Variants in RBFOX1 observed in about 807,000 individuals in gnomAD.
RBFOX1 encodes RNA binding fox-1 homolog 1.
In RBFOX1, 8 loss-of-function variants were observed where a neutral mutation model predicts 57.7. The observed-to-expected ratio is 0.14, with a 90% CI of 0.08 to 0.25. RBFOX1 has a LOEUF of 0.25. Among genes scored for constraint, RBFOX1 ranks in the 10% least tolerant of loss-of-function variants. The pLI is 1.00. For missense variants in RBFOX1, 611 were observed against 548.5 expected, an observed-to-expected ratio of 1.11 and a Z score of -1.14; for synonymous variants, 326 against 222.4, an observed-to-expected ratio of 1.47 and a Z score of -4.15.
chr16:7,701,016 C>G (rs1006240261), intron 14 of RBFOX1, among the ~76,000 whole-genome samples: 1 of 152,100 alleles, frequency 6.6e-6, no homozygotes, highest in Non-Finnish European at 1.5e-5. Context: ...TCTGTGGCTT[C>G]TCATGTAGGG....
intron 14 of RBFOX1, among the ~76,000 whole-genome samples, chr16:7,688,221 A>ATGTGTGTGTGTG (rs3029191): frequency 1.4e-3 from 173 of 120,982 alleles, no homozygotes; most frequent in African/African-American, 3.0e-3. Flanking sequence ...GCAGGTTTAA[A>ATGTGTGTGTGTG]TGTGTGTGTG....
At chr16:5,401,826 T>G (rs1305927634) in intron 1 of RBFOX1, among the ~76,000 whole-genome samples, 1 of 149,776 alleles carries the variant, frequency 6.7e-6, no homozygotes, top group African/African-American at 2.5e-5. Flanking sequence ...CTCGTGCTGC[T>G]GCTTCCTCAT....
At chr16:7,605,194 G>A (rs762776450) in intron 9 of RBFOX1, among the ~76,000 whole-genome samples, 16 of 152,076 alleles carry the variant, frequency 1.1e-4, no homozygotes, top group East Asian at 9.7e-4. Context: ...TGGAATTTCA[G>A]TTGATCAAAT....
intron 3 of RBFOX1, among the ~76,000 whole-genome samples, chr16:6,957,468 A>T (rs903754711): frequency 1.5e-4 from 23 of 152,146 alleles, no homozygotes; most frequent in African/African-American, 5.6e-4. Flanking sequence ...TTGTTAGACC[A>T]TATAGGGTAA....
intron 3 of RBFOX1, among the ~76,000 whole-genome samples, chr16:6,960,701 C>T (rs1454488768): frequency 6.6e-6 from 1 of 152,020 alleles, no homozygotes; most frequent in African/African-American, 2.4e-5. Flanking sequence ...CTCTGACGGG[C>T]CCACTCTCTG....
At chr16:6,745,250 T>G (rs1189249671) in intron 3 of RBFOX1, among the ~76,000 whole-genome samples, 1 of 152,090 alleles carries the variant, frequency 6.6e-6, no homozygotes, top group East Asian at 1.9e-4. Flanking sequence ...TTACAAAACA[T>G]TTCTTTCAGA....
chr16:7,662,169 G>A lies in RBFOX1; in HGVS notation c.891-2760G>A, dbSNP rs561282212. On this transcript the variant is annotated intron_variant, in intron 12 of 15. Coordinates refer to ENST00000550418, the MANE Select transcript of RBFOX1 (RefSeq NM_018723.4). ...TCAATTCTTCTCTCCGTCATTTACA[G>A]AAGATCAGAGACAGATGAGGTTCCA... 5.3e-5 allele frequency among the ~76,000 whole-genome samples: 8 copies of A among 152,336 alleles called. No individual in the cohort carries two copies. In the South Asian group the frequency reaches 1.7e-3, roughly 32 times the overall value.
At chr16:7,021,696 A>G (rs1264868390) in intron 3 of RBFOX1, among the ~76,000 whole-genome samples, 1 of 150,220 alleles carries the variant, frequency 6.7e-6, no homozygotes, top group South Asian at 2.1e-4. Context: ...TTAAGTGTCC[A>G]TCATAGTATT....
intron 1 of RBFOX1, among the ~76,000 whole-genome samples, chr16:5,337,750 G>T (rs1023930867): frequency 6.6e-6 from 1 of 152,130 alleles, no homozygotes; most frequent in Non-Finnish European, 1.5e-5. Flanking sequence ...AAACAGTTGT[G>T]GCCATTGACT....
At chr16:7,678,646 G>T (rs546101259) in intron 14 of RBFOX1, among the ~76,000 whole-genome samples, 1 of 151,998 alleles carries the variant, frequency 6.6e-6, no homozygotes, top group African/African-American at 2.4e-5. Flanking sequence ...ACAAAGATAT[G>T]ATTTAAATGG....
intron 3 of RBFOX1, among the ~76,000 whole-genome samples, chr16:7,023,400 C>T (rs1347219713): frequency 1.3e-5 from 2 of 150,458 alleles, no homozygotes; most frequent in Non-Finnish European, 3.0e-5. Flanking sequence ...GCAGAGGTTG[C>T]AGTGAGCCGA....
chr16:6,942,570 A>G (rs2078740198), intron 3 of RBFOX1, among the ~76,000 whole-genome samples: 1 of 152,138 alleles, frequency 6.6e-6, no homozygotes. Context: ...AGACAAGAGT[A>G]GACTAAGGCA....
intron 3 of RBFOX1, among the ~76,000 whole-genome samples, chr16:6,834,069 A>G (rs201920558): frequency 6.1e-5 from 9 of 148,742 alleles, no homozygotes; most frequent in African/African-American, 2.2e-4. Flanking sequence ...TTTTTTTTCT[A>G]TTTTTATTTT....
intron 3 of RBFOX1, among the ~76,000 whole-genome samples, chr16:5,638,726 G>A (rs1441260773): frequency 1.3e-5 from 2 of 152,210 alleles, no homozygotes; most frequent in Non-Finnish European, 2.9e-5. Flanking sequence ...CACAGACACT[G>A]GCTCTCTACA....
intron 2 of RBFOX1, among the ~76,000 whole-genome samples, chr16:6,516,727 G>A (rs2096386609): frequency 6.6e-6 from 1 of 152,098 alleles, no homozygotes. Context: ...AAAAAATGTT[G>A]TTTTCTCCAT....
At chr16:5,397,401 G>T (rs1380883113) in intron 1 of RBFOX1, among the ~76,000 whole-genome samples, 1 of 152,182 alleles carries the variant, frequency 6.6e-6, no homozygotes, top group Non-Finnish European at 1.5e-5. Flanking sequence ...CCACCTGGCA[G>T]GTGCTCTCTG....
chr16:6,365,444 A>G (rs1200250982), intron 2 of RBFOX1, among the ~76,000 whole-genome samples: 1 of 139,192 alleles, frequency 7.2e-6, no homozygotes, highest in Non-Finnish European at 1.5e-5. Flanking sequence ...GAGTGAATGG[A>G]TGGGTGGATG....
intron 2 of RBFOX1, among the ~76,000 whole-genome samples, chr16:6,519,262 A>G (rs1231825652): frequency 6.6e-6 from 1 of 152,202 alleles, no homozygotes; most frequent in Non-Finnish European, 1.5e-5. Flanking sequence ...TCTGTGCACC[A>G]GAAAGGGTCA....
At chr16:5,446,558 C>T (rs2068245328) in intron 1 of RBFOX1, among the ~76,000 whole-genome samples, 1 of 152,102 alleles carries the variant, frequency 6.6e-6, no homozygotes, top group African/African-American at 2.4e-5. Context: ...TCCTCCTCCT[C>T]CTGTTTTTCT....
Sources: allele counts gnomAD v4.1 joint callset (sites outside exome capture counted in the v4.1 genomes callset), GRCh38; gene constraint gnomAD v4.1.1; transcripts MANE v1.5; gene names NCBI Gene and HGNC (gene_info 2026-07-23, HGNC 2026-07-21).